The following BLK variants were observed in gnomAD, a reference collection of about 807,000 sequenced individuals.
BLK encodes tyrosine-protein kinase Blk.
BLK carries 64 observed loss-of-function variants against 61.8 expected under a neutral mutation model. The ratio of observed to expected loss-of-function variants is 1.03; its 90% CI spans 0.85 to 1.27. The LOEUF (loss-of-function observed/expected upper bound fraction) is 1.27. Among genes scored for constraint, BLK ranks in the 50% most tolerant of loss-of-function variants. The pLI is 0.00. For synonymous variants in BLK, 351 were observed against 272.0 expected (o/e 1.29, Z -2.86); for missense variants, 853 against 660.5 (o/e 1.29, Z -3.19).
intron 2 of BLK, among the ~76,000 whole-genome samples, chr8:11,545,343 G>A (rs910462028): frequency 6.6e-6 from 1 of 152,216 alleles, no homozygotes; most frequent in Non-Finnish European, 1.5e-5. Flanking sequence ...GAGGCCAGGA[G>A]TTCAAGATCA....
intron 1 of BLK, among the ~76,000 whole-genome samples, chr8:11,533,215 G>A (rs937696653): frequency 2.0e-5 from 3 of 152,156 alleles, no homozygotes; most frequent in Non-Finnish European, 4.4e-5. Context: ...ATCAACCCAA[G>A]CATGTTAAAG....
At chr8:11,500,672 C>T (rs995096806) in intron 1 of BLK, among the ~76,000 whole-genome samples, 33 of 151,636 alleles carry the variant, frequency 2.2e-4, no homozygotes, top group African/African-American at 7.0e-4. Context: ...TGCACCACCA[C>T]GCCTGGCTAA....
intron 10 of BLK, chr8:11,560,668 T>G: frequency 2.8e-6 from 1 of 355,758 alleles, no homozygotes; most frequent in South Asian, 2.1e-5. Flanking sequence ...CTCTTCTTCT[T>G]CACAGCCTCT....
chr8:11,560,154 G>GAT, intron 10 of BLK: 1 of 46,344 alleles, frequency 2.2e-5, no homozygotes, highest in Non-Finnish European at 6.3e-5. Flanking sequence ...TGGGTGGGTG[G>GAT]GTGGGTGGGT....
intron 9 of BLK, among the ~76,000 whole-genome samples, chr8:11,557,564 G>T (rs774508589): frequency 1.3e-5 from 2 of 152,178 alleles, no homozygotes; most frequent in Admixed American, 6.5e-5. Flanking sequence ...GCTGATGCCT[G>T]GTCCTCAGAG....
chr8:11,555,741 T>G, intron 8 of BLK: 1 of 571,622 alleles, frequency 1.7e-6, no homozygotes, highest in Non-Finnish European at 3.2e-6. Context: ...CGCTCCCTCC[T>G]TCGTTCTCTG....
chr8:11,506,922 C>T (rs752305113), intron 1 of BLK, among the ~76,000 whole-genome samples: 1 of 152,196 alleles, frequency 6.6e-6, no homozygotes, highest in African/African-American at 2.4e-5. Flanking sequence ...ATCTGCATCA[C>T]GGGCTGAAAG....
At chr8:11,554,712 C>T in intron 6 of BLK, 31 bp from the exon 7 acceptor site, 1 of 1,610,414 alleles carries the variant, frequency 6.2e-7, no homozygotes, top group Non-Finnish European at 8.5e-7. Context: ...TTGTGCCTTA[C>T]TTCTCGTGTG....
At chr8:11,527,114 G>A (rs772023682) in intron 1 of BLK, among the ~76,000 whole-genome samples, 1 of 152,034 alleles carries the variant, frequency 6.6e-6, no homozygotes, top group African/African-American at 2.4e-5. Context: ...GTCTTTCACT[G>A]TCCTTAAGGC....
intron 1 of BLK, among the ~76,000 whole-genome samples, chr8:11,530,243 G>A (rs1799831012): frequency 1.3e-5 from 2 of 152,080 alleles, no homozygotes; most frequent in South Asian, 4.1e-4. Flanking sequence ...ATTTATTTGT[G>A]CCTGCAGATA....
At chr8:11,510,529 T>C (rs950437581) in intron 1 of BLK, among the ~76,000 whole-genome samples, 19 of 152,182 alleles carry the variant, frequency 1.2e-4, no homozygotes, top group Non-Finnish European at 2.5e-4. Flanking sequence ...GTGATAAGTG[T>C]ATTTTATAGG....
chr8:11,528,079 G>A (rs766598669), intron 1 of BLK, among the ~76,000 whole-genome samples: 10 of 152,118 alleles, frequency 6.6e-5, no homozygotes, highest in African/African-American at 1.2e-4. Context: ...CTCTGTCACC[G>A]AGGCTGGAGT....
intron 7 of BLK, 138 bp from the exon 8 acceptor site, chr8:11,555,194 T>A: frequency 3.5e-6 from 4 of 1,143,320 alleles, no homozygotes; most frequent in Non-Finnish European, 5.2e-6. Flanking sequence ...TGTGTGTGCA[T>A]GTGCAGGCGT....
At chr8:11,505,562 T>C (rs1305300383) in intron 1 of BLK, among the ~76,000 whole-genome samples, 1 of 152,212 alleles carries the variant, frequency 6.6e-6, no homozygotes, top group African/African-American at 2.4e-5. Context: ...TTGCTTTCGT[T>C]CAGGCCCTCC....
At chr8:11,532,692 G>A (rs1221489948) in intron 1 of BLK, among the ~76,000 whole-genome samples, 2 of 152,138 alleles carry the variant, frequency 1.3e-5, no homozygotes, top group Non-Finnish European at 2.9e-5. Context: ...CAAAATGTGT[G>A]CAATTTCTGC....
At chr8:11,501,513 T>G (rs1025421467) in intron 1 of BLK, among the ~76,000 whole-genome samples, 4 of 152,220 alleles carry the variant, frequency 2.6e-5, no homozygotes, top group Non-Finnish European at 5.9e-5. Context: ...CATGGCGTCC[T>G]GGTAAACGTT....
chr8:11,520,320 T>G (rs935364678), intron 1 of BLK, among the ~76,000 whole-genome samples: 1 of 151,628 alleles, frequency 6.6e-6, no homozygotes, highest in Non-Finnish European at 1.5e-5. Context: ...CTATAAAATT[T>G]ACAAGAACTA....
In BLK at chr8:11,551,258, A is replaced by G. The variant is rs575250518; in HGVS notation, c.472+996A>G. Among the ~76,000 whole-genome samples the G allele has an allele frequency of 8.5e-5, 13 of 152,224 alleles. No homozygotes were observed. In the South Asian group the frequency reaches 2.1e-3, roughly 24 times the overall value. On this transcript the variant is annotated intron_variant, in intron 6 of 12. Transcript: ENST00000259089. ...GTGGCTTCCACCACAGAAGCTTATT[A>G]TCTCACAGCTCTGGAGGCTGGAAGT...
chr8:11,549,322 G>A (rs1301425281), intron 5 of BLK, among the ~76,000 whole-genome samples, 200 bp downstream of exon 5: 1 of 152,128 alleles, frequency 6.6e-6, no homozygotes, highest in African/African-American at 2.4e-5. Flanking sequence ...GTGACACTGA[G>A]CAAGCCGCTC....
Sources: allele counts gnomAD v4.1 joint callset (sites outside exome capture counted in the v4.1 genomes callset), GRCh38; gene constraint gnomAD v4.1.1; transcripts MANE v1.5; gene names NCBI Gene and HGNC (gene_info 2026-07-23, HGNC 2026-07-21).